The following LSAMP variants were observed in gnomAD, a reference collection of about 807,000 sequenced individuals.
The protein encoded by LSAMP is limbic system-associated membrane protein.
A neutral mutation model predicts 38.6 loss-of-function variants in LSAMP; 7 were observed. That is an observed-to-expected ratio of 0.18 (90% CI 0.10 to 0.34). The LOEUF is 0.34. Ranked by LOEUF, LSAMP falls within the 10% of genes least tolerant of loss-of-function variation. The pLI is 1.00. For synonymous variants in LSAMP, 154 were observed against 166.8 expected (o/e 0.92, Z 0.59); for missense variants, 313 against 420.0 (o/e 0.75, Z 2.23).
chr3:115,844,133 T>C (rs563490772), intron 4 of LSAMP, among the ~76,000 whole-genome samples: 2 of 152,228 alleles, frequency 1.3e-5, no homozygotes, highest in African/African-American at 2.4e-5. Context: ...TAATGATTTA[T>C]AGCATCCTTT....
At chr3:116,163,140 A>G (rs1376453565) in intron 1 of LSAMP, among the ~76,000 whole-genome samples, 3 of 151,488 alleles carry the variant, frequency 2.0e-5, no homozygotes, top group African/African-American at 7.3e-5. Context: ...TTTGTTACAT[A>G]TGTATACATG....
chr3:116,008,635 G>A (rs1940234846), intron 3 of LSAMP, among the ~76,000 whole-genome samples: 1 of 151,998 alleles, frequency 6.6e-6, no homozygotes, highest in African/African-American at 2.4e-5. Flanking sequence ...TCTTTCCAGT[G>A]ATAAGTATTC....
intron 6 of LSAMP, among the ~76,000 whole-genome samples, chr3:115,839,238 T>C (rs28708454): frequency 1.8e-4 from 19 of 105,658 alleles, no homozygotes; most frequent in Non-Finnish European, 3.9e-4. Flanking sequence ...CCCTTCCTTC[T>C]TTCCTTCCTT....
At chr3:116,173,265 T>G (rs1300894376) in intron 1 of LSAMP, among the ~76,000 whole-genome samples, 2 of 152,042 alleles carry the variant, frequency 1.3e-5, no homozygotes, top group Non-Finnish European at 2.9e-5. Context: ...ATGGGCCTCT[T>G]GTAACAAAGC....
At chr3:115,828,335 G>C (rs1934493018) in intron 6 of LSAMP, among the ~76,000 whole-genome samples, 1 of 151,986 alleles carries the variant, frequency 6.6e-6, no homozygotes, top group Admixed American at 6.6e-5. Flanking sequence ...TTTTTTTGCT[G>C]TTGTTTTTTG....
intron 1 of LSAMP, among the ~76,000 whole-genome samples, chr3:116,236,301 T>C (rs2046465158): frequency 6.6e-6 from 1 of 152,122 alleles, no homozygotes; most frequent in Admixed American, 6.6e-5. Flanking sequence ...ATAATCCAAG[T>C]CATACTTGTC....
chr3:115,946,440 A>G (rs75330167), intron 3 of LSAMP, among the ~76,000 whole-genome samples: 4 of 152,152 alleles, frequency 2.6e-5, no homozygotes, highest in African/African-American at 7.2e-5. Context: ...CAAGATGTCT[A>G]TGTGAGGGCA....
intron 3 of LSAMP, among the ~76,000 whole-genome samples, chr3:115,856,410 G>A (rs1379629835): frequency 2.6e-5 from 4 of 152,134 alleles, no homozygotes; most frequent in Non-Finnish European, 5.9e-5. Flanking sequence ...TTGAGGTCAA[G>A]AGTTCAAAAC....
In LSAMP at chr3:115,831,662, C is replaced by T. The variant is rs115850885; in HGVS notation, c.919+10183G>A. On this transcript the variant is annotated intron_variant, in intron 6 of 6. Coordinates refer to ENST00000490035, the MANE Select transcript of LSAMP (RefSeq NM_002338.5). ...CCAGACATTGAGAGCTGACTCTTTC[C>T]TCATTTTGCAATTCAGTGGATTTTC... Among the ~76,000 whole-genome samples the T allele has an allele frequency of 3.2e-3, 481 of 152,260 alleles. 1 individual carries two copies. The highest frequency in any genetic ancestry group is 0.01 in the African/African-American group (430 of 41,536).
intron 1 of LSAMP, among the ~76,000 whole-genome samples, chr3:116,384,391 A>T (rs1234775055): frequency 6.6e-6 from 1 of 152,138 alleles, no homozygotes; most frequent in Non-Finnish European, 1.5e-5. Context: ...AATATTTCAT[A>T]GACACCCTAT....
intron 3 of LSAMP, among the ~76,000 whole-genome samples, chr3:116,009,637 A>G (rs1378074953): frequency 6.6e-6 from 1 of 152,208 alleles, no homozygotes; most frequent in Non-Finnish European, 1.5e-5. Context: ...ATTGGCCACA[A>G]AAGTTATGCT....
chr3:116,380,677 C>A (rs1033700341), intron 1 of LSAMP, among the ~76,000 whole-genome samples: 1 of 152,138 alleles, frequency 6.6e-6, no homozygotes, highest in African/African-American at 2.4e-5. Context: ...AGCTCTATAA[C>A]TTAATGCATT....
intron 3 of LSAMP, among the ~76,000 whole-genome samples, chr3:115,917,347 C>T (rs528102410): frequency 1.3e-5 from 2 of 152,230 alleles, no homozygotes; most frequent in South Asian, 4.1e-4. Context: ...ATTGTTGCTG[C>T]CTTCTGAAAT....
At chr3:115,917,169 A>T (rs115844619) in intron 3 of LSAMP, among the ~76,000 whole-genome samples, 1,944 of 152,314 alleles carry the variant, frequency 0.013, 36 homozygotes, top group African/African-American at 0.043. Context: ...AGGTTGGGAA[A>T]CTTAAGAGAA....
At chr3:115,859,438 A>C (rs2107532650) in intron 3 of LSAMP, among the ~76,000 whole-genome samples, 1 of 152,234 alleles carries the variant, frequency 6.6e-6, no homozygotes, top group South Asian at 2.1e-4. Flanking sequence ...AAATGAAAGG[A>C]GAGAGAGTTT....
chr3:115,958,496 C>G (rs1304283191), intron 3 of LSAMP, among the ~76,000 whole-genome samples: 2 of 152,102 alleles, frequency 1.3e-5, no homozygotes, highest in East Asian at 3.9e-4. Context: ...TTTGCTCAGA[C>G]ATTATAAATC....
In LSAMP at chr3:115,804,452, C is replaced by T. The variant is rs11719103; in HGVS notation, c.*5865G>A. 0.23 allele frequency: 34,777 copies of T among 152,056 alleles called. 4,179 individuals are homozygous for T. The highest frequency in any genetic ancestry group is 0.29 in the African/African-American group (12,177 of 41,434). 9.4% of individuals were successfully genotyped at this position (152,056 alleles called of 1,614,324 possible). A position where few individuals can be genotyped will look rare whatever the true frequency, so the allele number is the denominator to read the frequency against. On this transcript the variant is annotated 3_prime_UTR_variant, in exon 7 of 7. Transcript: ENST00000490035. ...TGGGGTTAGAACCCAATTCTCCTGACTCCCAATTCAATACACCTTCTACCT... is the reference window on the plus strand; with the variant it reads ...TGGGGTTAGAACCCAATTCTCCTGATTCCCAATTCAATACACCTTCTACCT...
At chr3:116,346,396 T>A (rs955552496) in intron 1 of LSAMP, among the ~76,000 whole-genome samples, 3 of 151,532 alleles carry the variant, frequency 2.0e-5, no homozygotes, top group African/African-American at 7.3e-5. Flanking sequence ...TGGTACCATC[T>A]CAGTTCACTG....
At chr3:116,157,948 A>G (rs1337853955) in intron 1 of LSAMP, among the ~76,000 whole-genome samples, 1 of 152,166 alleles carries the variant, frequency 6.6e-6, no homozygotes, top group Admixed American at 6.5e-5. Context: ...TAGATGCAAA[A>G]ATCCTCAACA....
Sources: allele counts gnomAD v4.1 joint callset (sites outside exome capture counted in the v4.1 genomes callset), GRCh38; gene constraint gnomAD v4.1.1; transcripts MANE v1.5; gene names NCBI Gene and HGNC (gene_info 2026-07-23, HGNC 2026-07-21).